Variants in PIK3C2G observed in about 807,000 individuals in gnomAD.
The protein encoded by PIK3C2G is phosphatidylinositol-4-phosphate 3-kinase catalytic subunit type 2 gamma.
In PIK3C2G, 168 loss-of-function variants were observed where a neutral mutation model predicts 181.1. The ratio of observed to expected loss-of-function variants is 0.93; its 90% CI spans 0.82 to 1.05. The LOEUF is 1.05. Among genes scored for constraint, PIK3C2G ranks in the 50% least tolerant of loss-of-function variants. The pLI is 0.00. For missense variants in PIK3C2G, 1,869 were observed against 1,732.8 expected (o/e 1.08, Z -1.40); for synonymous variants, 573 against 592.2 (o/e 0.97, Z 0.47).
At chr12:18,268,093 C>G (rs550400671) in intron 1 of PIK3C2G, among the ~76,000 whole-genome samples, 1 of 152,080 alleles carries the variant, frequency 6.6e-6, no homozygotes, top group Non-Finnish European at 1.5e-5. Context: ...CATTTCTTTA[C>G]CATTTTTTCA....
chr12:18,308,878 T>C lies in PIK3C2G; in HGVS notation c.1035-5084T>C, dbSNP rs186128458. On this transcript the variant is annotated intron_variant, in intron 5 of 32. Coordinates refer to ENST00000538779, the MANE Select transcript of PIK3C2G (RefSeq NM_001288772.2). ...CAAAACAAAAATAATTTGTGAGGAATGTAGCACTGTTATGTGTTTAGAAAT... is the reference window on the plus strand; with the variant it reads ...CAAAACAAAAATAATTTGTGAGGAACGTAGCACTGTTATGTGTTTAGAAAT... Among the ~76,000 whole-genome samples the C allele has an allele frequency of 1.0e-3, 155 of 151,868 alleles. 3 individuals are homozygous for C. Among genetic ancestry groups the C allele is most frequent in the Admixed American group, 8.0e-3 (122 of 15,246 alleles).
intron 24 of PIK3C2G, among the ~76,000 whole-genome samples, chr12:18,515,587 A>G (rs1942486375): frequency 1.3e-5 from 2 of 151,872 alleles, no homozygotes; most frequent in African/African-American, 4.8e-5. Context: ...AAAATCTTTG[A>G]TTTTACTTGT....
At chr12:18,332,819 C>T (rs754902075) in intron 8 of PIK3C2G, among the ~76,000 whole-genome samples, 2 of 152,104 alleles carry the variant, frequency 1.3e-5, no homozygotes, top group South Asian at 2.1e-4. Context: ...GTGGACAGAG[C>T]GCCGTAACTG....
intron 18 of PIK3C2G, among the ~76,000 whole-genome samples, chr12:18,462,299 T>C (rs1947961398): frequency 6.6e-6 from 1 of 151,998 alleles, no homozygotes; most frequent in Non-Finnish European, 1.5e-5. Context: ...GTATAAAGGG[T>C]CTACAAAATA....
At chr12:18,528,585 C>T (rs1355830109) in intron 24 of PIK3C2G, among the ~76,000 whole-genome samples, 1 of 152,132 alleles carries the variant, frequency 6.6e-6, no homozygotes. Context: ...ATCAGTTGCT[C>T]AAATAAAATA....
chr12:18,389,248 G>A (rs1169388105), intron 14 of PIK3C2G, among the ~76,000 whole-genome samples: 1 of 152,018 alleles, frequency 6.6e-6, no homozygotes, highest in Non-Finnish European at 1.5e-5. Flanking sequence ...AGCTACTGGG[G>A]AGGCTGAGGC....
At chr12:18,690,383 C>T in the PIK3C2G span, among the ~76,000 whole-genome samples, 9 of 152,118 alleles carry the variant, frequency 5.9e-5, no homozygotes, top group South Asian at 8.3e-4. Context: ...GCCACCATGC[C>T]CAGCTAAGTT....
chr12:18,448,736 G>C (rs1947167867), intron 18 of PIK3C2G, among the ~76,000 whole-genome samples: 1 of 151,492 alleles, frequency 6.6e-6, no homozygotes, highest in African/African-American at 2.4e-5. Context: ...ATAATATTTT[G>C]TATCATTATA....
the PIK3C2G span, among the ~76,000 whole-genome samples, chr12:18,724,109 A>T: frequency 6.6e-6 from 1 of 152,132 alleles, no homozygotes; most frequent in African/African-American, 2.4e-5. Context: ...TAAAAGTACC[A>T]GGATGATTGG....
chr12:18,340,248 A>G (rs1939000877), intron 9 of PIK3C2G, among the ~76,000 whole-genome samples: 1 of 152,134 alleles, frequency 6.6e-6, no homozygotes, highest in Non-Finnish European at 1.5e-5. Flanking sequence ...CTTGGGCCAC[A>G]CATAAAATAC....
In PIK3C2G at chr12:18,290,543, G is replaced by A. The variant is rs559414724; in HGVS notation, c.762-312G>A. ...ATCAAAAGCAATGTAAATGAAGCAAGTAATAATATTCAGCGTGAATCCTCA... is the reference window on the plus strand; with the variant it reads ...ATCAAAAGCAATGTAAATGAAGCAAATAATAATATTCAGCGTGAATCCTCA... On this transcript the variant is annotated intron_variant, in intron 3 of 32. Transcript: ENST00000538779. Among the ~76,000 whole-genome samples the A allele has an allele frequency of 3.9e-5, 6 of 152,270 alleles. No homozygotes were observed. In the South Asian group the frequency reaches 1.2e-3, roughly 32 times the overall value.
rs1949886260 is a variant in PIK3C2G, at chr12:18,295,202, CT to C, written c.1034+1191del. The stretch of plus-strand genomic sequence containing the variant: ...GTTGCACTAAGCTCACAGATATTCC[CT>C]TTTCCCTTTTTATTTGAACTTATTA... On this transcript the variant is annotated intron_variant, in intron 5 of 32. Transcript: ENST00000538779. 2.6e-5 allele frequency among the ~76,000 whole-genome samples: 4 copies of C among 151,386 alleles called. No homozygotes were observed. In the South Asian group the frequency reaches 8.3e-4, roughly 31 times the overall value.
chr12:18,621,370 C>T (rs1948854646), intron 31 of PIK3C2G, among the ~76,000 whole-genome samples: 1 of 151,834 alleles, frequency 6.6e-6, no homozygotes, highest in African/African-American at 2.4e-5. Context: ...TGCCCAACTT[C>T]AGAAGACACT....
chr12:18,345,059 A>G (rs760856317), intron 10 of PIK3C2G, among the ~76,000 whole-genome samples: 11 of 152,174 alleles, frequency 7.2e-5, no homozygotes, highest in African/African-American at 1.7e-4. Context: ...AATCAAATTT[A>G]TGATTTATTT....
At chr12:18,650,656 G>C (rs1416129498), downstream of PIK3C2G, among the ~76,000 whole-genome samples, 1 of 105,370 alleles carries the variant, frequency 9.5e-6, no homozygotes, top group African/African-American at 3.4e-5. Context: ...TACATAACTG[G>C]AATATAAATG....
intron 18 of PIK3C2G, among the ~76,000 whole-genome samples, chr12:18,484,371 A>G (rs561925576): frequency 2.6e-5 from 4 of 152,322 alleles, no homozygotes; most frequent in African/African-American, 9.6e-5. Context: ...AAACCAAGTC[A>G]GTTTCATGCC....
chr12:18,671,702 A>T, the PIK3C2G span, among the ~76,000 whole-genome samples: 1 of 152,174 alleles, frequency 6.6e-6, no homozygotes, highest in South Asian at 2.1e-4. Flanking sequence ...GCTCCAGAAA[A>T]ATGATGAAGA....
At chr12:18,472,179 C>G (rs1193564696) in intron 18 of PIK3C2G, among the ~76,000 whole-genome samples, 1 of 152,080 alleles carries the variant, frequency 6.6e-6, no homozygotes, top group East Asian at 1.9e-4. Flanking sequence ...AAAGAAGAAA[C>G]AGATTAAGCA....
intron 18 of PIK3C2G, among the ~76,000 whole-genome samples, chr12:18,464,986 T>C (rs1937701648): frequency 6.6e-6 from 1 of 151,990 alleles, no homozygotes; most frequent in African/African-American, 2.4e-5. Flanking sequence ...TTTTATTCCA[T>C]TTCCTCCTTG....
Sources: allele counts gnomAD v4.1 joint callset (sites outside exome capture counted in the v4.1 genomes callset), GRCh38; gene constraint gnomAD v4.1.1; transcripts MANE v1.5; gene names NCBI Gene and HGNC (gene_info 2026-07-23, HGNC 2026-07-21).